TTLL6: variants seen among roughly 807,000 people sequenced by gnomAD.
TTLL6 encodes the protein tubulin tyrosine ligase like 6.
TTLL6 carries 75 observed loss-of-function variants against 96.4 expected under a neutral mutation model. The observed-to-expected ratio is 0.78, with a 90% confidence interval of 0.65 to 0.94. TTLL6 has a LOEUF of 0.94. Ranked by LOEUF, TTLL6 falls within the 40% of genes least tolerant of loss-of-function variation. TTLL6 has a pLI of 0.00. For synonymous variants in TTLL6, 411 were observed against 419.4 expected (o/e 0.98, Z 0.24); for missense variants, 1,030 against 1,093.0 (o/e 0.94, Z 0.81).
Position 48,804,846 on chromosome 17 carries a change from C to T in TTLL6, c.249G>A (p.Val83=). ...DPKETVALAF[V]RENPGAQNGL... ...CGTTTTGTGCCCCTGGGTTCTCTCT[C>T]ACAAAAGCCAGCGCGACGGTTTCTT... is the stretch of plus-strand genomic sequence containing the variant. The change falls in exon 2 of 16, where the codon GTG becomes GTA. Residue 83 remains valine, a synonymous_variant. Coordinates refer to ENST00000393382, the MANE Select transcript of TTLL6 (RefSeq NM_001130918.3). 1 of 1,552,366 alleles carries T rather than the reference C, an allele frequency of 6.4e-7. No homozygotes were observed. Among genetic ancestry groups the T allele is most frequent in the Admixed American group, 2.0e-5 (1 of 51,000 alleles).
intron 13 of TTLL6, among the ~76,000 whole-genome samples, chr17:48,779,680 T>C (rs2038950630): frequency 6.6e-6 from 1 of 152,128 alleles, no homozygotes; most frequent in Non-Finnish European, 1.5e-5. Context: ...AGTCTATCAA[T>C]AGGTGAATGG....
chr17:48,803,964 G>C lies in TTLL6; in HGVS notation c.324-36C>G. Reference sequence around the variant, plus strand: ...AGAGAAAAAGGAAAGCAGCAAGACAGAGACACACTTGCCAGAACAAGTGAC... The same window carrying C: ...AGAGAAAAAGGAAAGCAGCAAGACACAGACACACTTGCCAGAACAAGTGAC... On this transcript the variant is annotated intron_variant, in intron 2 of 15. Transcript: ENST00000393382. 3 of 1,550,078 alleles carry C rather than the reference G, an allele frequency of 1.9e-6. No homozygotes were observed. The Middle Eastern group carries it at 5.0e-4, about 259-fold the overall frequency.
intron 15 of TTLL6, among the ~76,000 whole-genome samples, chr17:48,764,773 C>T (rs983915168): frequency 6.6e-6 from 1 of 151,900 alleles, no homozygotes; most frequent in African/African-American, 2.4e-5. Flanking sequence ...CTTTATGGTC[C>T]GATTAGTTTG....
intron 1 of TTLL6, among the ~76,000 whole-genome samples, chr17:48,805,818 C>CAA (rs11413809): frequency 6.7e-5 from 10 of 149,698 alleles, no homozygotes; most frequent in South Asian, 2.1e-4. Context: ...ATTAAAAATA[C>CAA]AAAAAAAAAG....
intron 10 of TTLL6, among the ~76,000 whole-genome samples, chr17:48,788,621 C>T (rs546123172): frequency 6.6e-6 from 1 of 152,308 alleles, no homozygotes; most frequent in East Asian, 1.9e-4. Context: ...TTAGAGATGG[C>T]AGGGCATGGT....
Position 48,791,453 on chromosome 17 carries a change from T to C in TTLL6, c.1149A>G (p.Thr383=), listed in dbSNP as rs1195876965. The change falls in exon 9 of 16, where the codon ACA becomes ACG. Residue 383 remains threonine, a synonymous_variant. Coordinates refer to ENST00000393382, the MANE Select transcript of TTLL6 (RefSeq NM_001130918.3). ...HNYHTCFPNH[T]LNSACFEILG... ...GGATCTCAAAGCAGGCGCTGTTGAG[T>C]GTGTGGTTGGGGAAGCAGGTGTGGT... 5.6e-6 allele frequency: 9 copies of C among 1,613,654 alleles called. No individual in the cohort carries two copies. Among genetic ancestry groups the C allele is most frequent in the Non-Finnish European group, 6.8e-6 (8 of 1,179,942 alleles).
At chr17:48,814,463 C>T (rs993288428) in intron 1 of TTLL6, among the ~76,000 whole-genome samples, 1 of 152,022 alleles carries the variant, frequency 6.6e-6, no homozygotes, top group African/African-American at 2.4e-5. Context: ...TCCACCTTTC[C>T]AAGTAGGATA....
In TTLL6 at chr17:48,786,831, C is replaced by CTTTTT. The variant is rs11446945; in HGVS notation, c.1590-501_1590-497dup. Among the ~76,000 whole-genome samples, 13 of 122,492 alleles carry CTTTTT rather than the reference C, an allele frequency of 1.1e-4. 1 individual carries two copies. The highest frequency in any genetic ancestry group is 5.2e-4 in the East Asian group (2 of 3,818). 80.4% of individuals were successfully genotyped at this position (122,492 alleles called of 152,430 possible). On this transcript the variant is annotated intron_variant, in intron 11 of 15. Transcript: ENST00000393382. ...GGAGTTCTGGTCCCTCTTCTGTCAT[C>CTTTTT]TTTTTTTTTTTTTTTTTTTTGAGAT... is the stretch of plus-strand genomic sequence containing the variant.
intron 13 of TTLL6, among the ~76,000 whole-genome samples, chr17:48,771,108 A>G (rs8067245): frequency 0.27 from 40,417 of 152,134 alleles, 6,609 homozygotes; most frequent in South Asian, 0.39. Flanking sequence ...TGAGGCAATC[A>G]GAGAAGCCAG....
At position 48,797,134 on chromosome 17, in the gene TTLL6, C is replaced by G. The variant is rs267604932; in HGVS notation, c.839G>C (p.Arg280Thr). 14 of 1,551,520 alleles carry G rather than the reference C, an allele frequency of 9.0e-6. No homozygotes were observed. The highest frequency in any genetic ancestry group is 1.2e-5 in the Non-Finnish European group (14 of 1,146,980). ...YVLVTSCDPLRIFVYNEGLAR... is the reference protein window; with the variant it reads ...YVLVTSCDPLTIFVYNEGLAR... ...CAGTCCTTCATTGTACACAAAAATC[C>G]TGAGAGGGTCACAGGATGTCACCAG... Residue 280 changes from arginine to threonine, a missense_variant, in exon 7 of 16, where the codon AGG (arginine) becomes ACG (threonine). Physicochemically the swap from Arg to Thr is moderately conservative, Grantham distance 71 (BLOSUM62 -1). Transcript: ENST00000393382.
intron 15 of TTLL6, among the ~76,000 whole-genome samples, chr17:48,764,994 C>A (rs946889293): frequency 1.3e-5 from 2 of 152,182 alleles, no homozygotes; most frequent in African/African-American, 4.8e-5. Flanking sequence ...GATAGTATGG[C>A]TTCAAGAGTT....
Position 48,801,596 on chromosome 17 carries a change from C to T in TTLL6, c.409G>A (p.Asp137Asn), listed in dbSNP as rs139901901. The change falls in exon 4 of 16, where the codon GAT becomes AAT. Residue 137 changes from aspartate (D) to asparagine (N), a missense_variant. Physicochemically the swap from Asp to Asn is conservative, Grantham distance 23. Transcript: ENST00000393382. ...TCTGTCCAATAGAGAGTCCAGTCAT[C>T]GTCTTCCCCTCCCTCTCTAAAGCCG... ...QYGFREGGEDDDWTLYWTDYS... is the reference protein window; with the variant it reads ...QYGFREGGEDNDWTLYWTDYS... 8.4e-5 allele frequency: 131 copies of T among 1,551,772 alleles called. No homozygotes were observed. Among genetic ancestry groups the T allele is most frequent in the Non-Finnish European group, 1.0e-4 (115 of 1,147,020 alleles).
chr17:48,768,565 C>T (rs1195527164), intron 15 of TTLL6, among the ~76,000 whole-genome samples: 1 of 151,994 alleles, frequency 6.6e-6, no homozygotes, highest in Non-Finnish European at 1.5e-5. Context: ...CCACTGCACC[C>T]GGCCTAATTT....
Position 48,784,956 on chromosome 17 carries a change from A to G in TTLL6, c.2007T>C (p.Ser669=). 2 of 1,614,180 alleles carry G rather than the reference A, an allele frequency of 1.2e-6. No homozygotes were observed. Among genetic ancestry groups the G allele is most frequent in the Non-Finnish European group, 1.7e-6 (2 of 1,180,028 alleles). ...CAGTGAATACGTTCACTGCAGAGGCAGACTTGGCCTCCTTGATGCTGAAGT... is the reference window on the plus strand; with the variant it reads ...CAGTGAATACGTTCACTGCAGAGGCGGACTTGGCCTCCTTGATGCTGAAGT... ...KPNFSIKEAK[S]ASAVNVFTGT... is the part of the protein sequence containing the mutation. Residue 669 remains serine, a synonymous_variant, in exon 13 of 16, where the codon TCT becomes TCC. Coordinates refer to ENST00000393382, the MANE Select transcript of TTLL6 (RefSeq NM_001130918.3).
At chr17:48,792,414 C>T (rs2039243692) in intron 8 of TTLL6, among the ~76,000 whole-genome samples, 1 of 152,074 alleles carries the variant, frequency 6.6e-6, no homozygotes, top group Non-Finnish European at 1.5e-5. Flanking sequence ...GCACAGACAG[C>T]CAAAGTGGAA....
Position 48,799,694 on chromosome 17 carries a change from C to T in TTLL6, c.678G>A (p.Ser226=), listed in dbSNP as rs563044457. The change falls in exon 6 of 16, where the codon TCG becomes TCA. Residue 226 remains serine (S), a synonymous_variant. Transcript: ENST00000393382. The part of the protein sequence containing the change: ...KNKTYICKPD[S]GCQGKGIFIT... ...TGAATATACCTTTCCCTTGGCAGCC[C>T]GAATCCGGCTTACAAATGTATGTCT... 2.3e-5 allele frequency: 36 copies of T among 1,551,734 alleles called. 1 individual carries two copies. In the Admixed American group the frequency reaches 2.9e-4, roughly 13 times the overall value.
At chr17:48,791,258 A>G (rs2143372057) in intron 9 of TTLL6, 120 bp downstream of exon 9, 2 of 824,844 alleles carry the variant, frequency 2.4e-6, no homozygotes, top group East Asian at 2.7e-5. Context: ...AGCAGGCACC[A>G]TGGGAGGAAG....
intron 1 of TTLL6, among the ~76,000 whole-genome samples, chr17:48,813,812 T>C (rs529397712): frequency 6.6e-6 from 1 of 152,294 alleles, no homozygotes; most frequent in African/African-American, 2.4e-5. Flanking sequence ...TTCTATGGAA[T>C]TCCTGAATGT....
At position 48,791,496 on chromosome 17, in the gene TTLL6, G is replaced by C. The variant is rs1394502746; in HGVS notation, c.1106C>G (p.Pro369Arg). ...GGTGTGGTAGTTATGCCTGATGATG[G>C]GGTGGGCCGAGATGAGGGTCTTGAT... ...VIIKTLISAH[P>R]IIRHNYHTCF... Residue 369 changes from proline to arginine, a missense_variant, in exon 9 of 16, where the codon CCC (proline) becomes CGC (arginine). Transcript: ENST00000393382. 1 of 1,614,130 alleles carries C rather than the reference G, an allele frequency of 6.2e-7. No homozygotes were observed. The highest frequency in any genetic ancestry group is 8.5e-7 in the Non-Finnish European group (1 of 1,180,014).
Sources: gnomAD v4.1 joint callset for allele counts (sites outside exome capture counted in the v4.1 genomes callset) on GRCh38, gnomAD v4.1.1 for gene constraint, MANE v1.5 for transcripts, NCBI Gene and HGNC (gene_info 2026-07-23, HGNC 2026-07-21) for gene names.